ZNF683: variants seen among roughly 807,000 people sequenced by gnomAD.
ZNF683 encodes zinc finger protein 683.
ZNF683 carries 20 observed loss-of-function variants against 31.4 expected under a neutral mutation model. The ratio of observed to expected loss-of-function variants is 0.64; its 90% CI spans 0.45 to 0.93. The LOEUF (loss-of-function observed/expected upper bound fraction) is 0.93, where lower values mean the gene tolerates loss of function less well. Among genes scored for constraint, ZNF683 ranks in the 40% least tolerant of loss-of-function variants. The probability of loss-of-function intolerance (pLI) is 0.00; values close to 1 mark genes in which losing one functional copy is unlikely to be tolerated. For synonymous variants in ZNF683, 264 were observed against 267.6 expected (o/e 0.99, Z 0.13); for missense variants, 621 against 637.2 (o/e 0.97, Z 0.27).
intron 1 of ZNF683, among the ~76,000 whole-genome samples, chr1:26,372,204 A>G (rs1250762079): frequency 6.6e-6 from 1 of 152,166 alleles, no homozygotes; most frequent in Non-Finnish European, 1.5e-5. Context: ...GGGCTGGGGC[A>G]TGTTCCTGGG....
At chr1:26,366,621 A>G (rs2124163415) in intron 3 of ZNF683, among the ~76,000 whole-genome samples, 1 of 152,256 alleles carries the variant, frequency 6.6e-6, no homozygotes. Context: ...TAGAAAGGGC[A>G]GAACCGAGAC....
rs753538778 is a variant in ZNF683, at chr1:26,361,915, C to G, written c.1251G>C (p.Gln417His). 1 of 1,613,970 alleles carries G rather than the reference C, an allele frequency of 6.2e-7. No homozygotes were observed. ...GATGGTGCAGCTTCAGGTGGATGTG[C>G]TGGGTGAAGCGACTCCGGCAGACAC... Reference protein sequence around the residue: ...QCSVCRSRFTQHIHLKLHHRL... With the variant: ...QCSVCRSRFTHHIHLKLHHRL... The change falls in exon 6 of 6, where the codon CAG becomes CAC. Residue 417 changes from glutamine (Q) to histidine (H), a missense_variant. Gln to His is a conservative substitution (Grantham distance 24). Coordinates refer to ENST00000349618, the MANE Select transcript of ZNF683 (RefSeq NM_001114759.3).
At position 26,362,029 on chromosome 1, in the gene ZNF683, G is replaced by A. The variant is rs1244470175; in HGVS notation, c.1144-7C>T. 6.2e-7 allele frequency: 1 copy of A among 1,613,852 alleles called. No homozygotes were observed. Among genetic ancestry groups the A allele is most frequent in the Non-Finnish European group, 8.5e-7 (1 of 1,179,726 alleles). ...TGAAGCGCTTGTGGCACACCTGACG[G>A]GAACGAGCACTGGCATCAGCTTTGT... On this transcript the variant is annotated splice_polypyrimidine_tract_variant and splice_region_variant and intron_variant, in intron 5 of 5. Transcript: ENST00000349618.
At chr1:26,363,823 C>T (rs923326342) in intron 4 of ZNF683, among the ~76,000 whole-genome samples, 26 of 151,746 alleles carry the variant, frequency 1.7e-4, no homozygotes, top group African/African-American at 6.3e-4. Flanking sequence ...CTCTAGGAAT[C>T]TGCATGTTTA....
At chr1:26,362,231 C>G (rs2074405153) in intron 5 of ZNF683, 2 of 1,532,844 alleles carry the variant, frequency 1.3e-6, no homozygotes, top group South Asian at 1.2e-5. Context: ...CATGTGTGAC[C>G]TTGTAAAAGT....
intron 2 of ZNF683, 117 bp from the exon 3 acceptor site, chr1:26,367,914 C>A (rs555102229): frequency 1.0e-4 from 74 of 705,062 alleles, no homozygotes; most frequent in African/African-American, 9.9e-4. Flanking sequence ...ACAGCCACCA[C>A]ACTCCATATC....
chr1:26,361,816 T>A lies in ZNF683; in HGVS notation c.1350A>T (p.Gln450His), dbSNP rs138781919. The change falls in exon 6 of 6, where the codon CAA becomes CAT. Residue 450 changes from glutamine (Q) to histidine (H), a missense_variant. By Grantham distance (24) the Gln-to-His change is conservative. Transcript: ENST00000349618. ...TAAGATCTAGTGCCCCCTGGTGCCA[T>A]TGGGCAAGGCAGGCCAGAGAGGCCA... is the stretch of plus-strand genomic sequence containing the variant. ...LPLASLACLAQWHQGALDLMA... is the reference protein window; with the variant it reads ...LPLASLACLAHWHQGALDLMA... 18 of 1,614,034 alleles carry A rather than the reference T, an allele frequency of 1.1e-5. No homozygotes were observed. The Admixed American group carries it at 2.8e-4, about 25-fold the overall frequency.
At chr1:26,362,118 C>T (rs753161117) in intron 5 of ZNF683, 96 bp from the exon 6 acceptor site, 1 of 1,613,916 alleles carries the variant, frequency 6.2e-7, no homozygotes, top group Non-Finnish European at 8.5e-7. Context: ...TGACCCACCT[C>T]TCTTTCCCTC....
At chr1:26,372,521 G>A in intron 1 of ZNF683, 148 bp downstream of exon 1, 2 of 1,304,812 alleles carry the variant, frequency 1.5e-6, no homozygotes, top group South Asian at 2.5e-5. Flanking sequence ...ACCCAGAAGG[G>A]GTGACCCGCA....
upstream of ZNF683, chr1:26,372,837 G>GAC: frequency 8.5e-7 from 1 of 1,173,222 alleles, no homozygotes; most frequent in Non-Finnish European, 1.1e-6. Flanking sequence ...CATGGAGGCT[G>GAC]ACAAGACAGA....
intron 4 of ZNF683, 41 bp from the exon 5 acceptor site, chr1:26,363,195 C>G: frequency 6.3e-7 from 1 of 1,581,744 alleles, no homozygotes; most frequent in South Asian, 1.1e-5. Flanking sequence ...CTGCCCAGCA[C>G]CCCTAGCAGG....
At chr1:26,362,953 G>A (rs1570241400) in intron 5 of ZNF683, 73 bp downstream of exon 5, 3 of 1,506,518 alleles carry the variant, frequency 2.0e-6, no homozygotes, top group East Asian at 2.5e-5. Flanking sequence ...GAGGCTGCAG[G>A]TGCCAGCCCT....
intron 1 of ZNF683, among the ~76,000 whole-genome samples, chr1:26,372,011 C>A (rs1392506302): frequency 2.0e-5 from 3 of 152,154 alleles, no homozygotes; most frequent in African/African-American, 7.2e-5. Flanking sequence ...GGCTTTTTAG[C>A]CTGAGCAATG....
chr1:26,365,260 C>T (rs1273958990), intron 3 of ZNF683, 34 bp from the exon 4 acceptor site: 2 of 1,543,586 alleles, frequency 1.3e-6, no homozygotes, highest in Non-Finnish European at 1.7e-6. Context: ...CAGATCCCCA[C>T]AGTCTGGGGT....
In ZNF683 at chr1:26,367,687, G is replaced by A. The variant is rs1301475645; in HGVS notation, c.225C>T (p.Ala75=). ...PLAPGRSALL[A]CLQDLDLNLC... is the part of the protein sequence containing the mutation. Reference sequence around the variant, plus strand: ...GGTTCAGGTCCAGGTCCTGTAGGCAGGCCAGCAGTGCAGACCTGCCCGGTG... The same window carrying A: ...GGTTCAGGTCCAGGTCCTGTAGGCAAGCCAGCAGTGCAGACCTGCCCGGTG... Residue 75 remains alanine (A), a synonymous_variant, in exon 3 of 6, where the codon GCC becomes GCT. Transcript: ENST00000349618. 6.2e-7 allele frequency: 1 copy of A among 1,612,856 alleles called. No individual in the cohort carries two copies. The highest frequency in any genetic ancestry group is 2.2e-5 in the East Asian group (1 of 44,842).
chr1:26,372,358 G>A (rs531249021), intron 1 of ZNF683: 19 of 682,110 alleles, frequency 2.8e-5, no homozygotes, highest in African/African-American at 1.9e-4. Context: ...TTTTTTGGAC[G>A]CCCAGCCTCT....
Position 26,361,637 on chromosome 1 carries a change from C to G in ZNF683, c.*14G>C. ...AAGCTCAGGAAGCCTCAAAGCATGA[C>G]AGAAGAAACATTTTTAATTGTTCTG... On this transcript the variant is annotated 3_prime_UTR_variant, in exon 6 of 6. Coordinates refer to ENST00000349618, the MANE Select transcript of ZNF683 (RefSeq NM_001114759.3). 1 of 1,583,584 alleles carries G rather than the reference C, an allele frequency of 6.3e-7. No homozygotes were observed. The highest frequency in any genetic ancestry group is 8.6e-7 in the Non-Finnish European group (1 of 1,165,100).
intron 1 of ZNF683, among the ~76,000 whole-genome samples, chr1:26,369,910 C>G (rs1254177503): frequency 6.6e-6 from 1 of 152,082 alleles, no homozygotes; most frequent in Non-Finnish European, 1.5e-5. Flanking sequence ...GGGAAGATTG[C>G]TTGAGCCTGG....
chr1:26,363,243 T>G, intron 4 of ZNF683, 89 bp from the exon 5 acceptor site: 24 of 1,459,704 alleles, frequency 1.6e-5, no homozygotes, highest in Non-Finnish European at 2.1e-5. Context: ...CACTTCTCTC[T>G]CCCTCCCCGT....
Sources: gnomAD v4.1 joint callset for allele counts (sites outside exome capture counted in the v4.1 genomes callset) on GRCh38, gnomAD v4.1.1 for gene constraint, MANE v1.5 for transcripts, NCBI Gene and HGNC (gene_info 2026-07-23, HGNC 2026-07-21) for gene names.